IGLL5: variants seen among roughly 807,000 people sequenced by gnomAD.
IGLL5 encodes immunoglobulin lambda like polypeptide 5, also known as immunoglobulin lambda-like polypeptide 5.
Under a neutral mutation model 20.9 loss-of-function variants are expected in IGLL5, and 30 were observed. The observed-to-expected ratio is 1.44, with a 90% CI of 1.07 to 1.95. The LOEUF is 1.95. Among genes scored for constraint, IGLL5 ranks in the 30% most tolerant of loss-of-function variants. IGLL5 has a pLI of 0.00. For missense variants in IGLL5, 475 were observed against 270.7 expected (o/e 1.75, Z -5.30); for synonymous variants, 203 against 117.3 (o/e 1.73, Z -4.72).
intron 1 of IGLL5, among the ~76,000 whole-genome samples, chr22:22,888,467 T>G (rs530567279): frequency 1.3e-5 from 2 of 151,434 alleles, no homozygotes; most frequent in Admixed American, 6.6e-5. Context: ...CGATATTATT[T>G]TTCTTGATTT....
chr22:22,888,427 G>A (rs1601600631), intron 1 of IGLL5, among the ~76,000 whole-genome samples, 168 bp downstream of exon 1: 2 of 151,402 alleles, frequency 1.3e-5, no homozygotes, highest in African/African-American at 4.8e-5. Flanking sequence ...TCACAGATTT[G>A]TTTGAATTAC....
intron 1 of IGLL5, among the ~76,000 whole-genome samples, chr22:22,889,701 C>G (rs1452197346): frequency 6.6e-6 from 1 of 151,282 alleles, no homozygotes; most frequent in Admixed American, 6.6e-5. Context: ...GATCCTCCAG[C>G]CTCAGCCTCC....
chr22:22,888,547 G>C (rs529995910), intron 1 of IGLL5, among the ~76,000 whole-genome samples: 5 of 151,294 alleles, frequency 3.3e-5, no homozygotes, highest in Middle Eastern at 3.7e-3. Flanking sequence ...TAGTCCTCTG[G>C]GTAGGGAAGG....
chr22:22,894,701 A>G lies in IGLL5; in HGVS notation c.326-674A>G, dbSNP rs551314681. Among the ~76,000 whole-genome samples the G allele has an allele frequency of 4.6e-5, 7 of 151,314 alleles. 1 individual carries two copies. Among genetic ancestry groups the G allele is most frequent in the South Asian group, 2.1e-4 (1 of 4,756 alleles). On this transcript the variant is annotated intron_variant, in intron 2 of 2. Transcript: ENST00000526893. ...GGGCCTGGGGGCTGCTGAGTCTCAT[A>G]GTCTGTGGGAGCAGCCCCAGGAACA...
At chr22:22,888,491 C>A (rs1001448620) in intron 1 of IGLL5, among the ~76,000 whole-genome samples, 3 of 151,260 alleles carry the variant, frequency 2.0e-5, no homozygotes, top group Non-Finnish European at 4.4e-5. Flanking sequence ...AGTTTTCTGG[C>A]GCCACTTAAA....
At chr22:22,890,131 G>A (rs559495471) in intron 1 of IGLL5, among the ~76,000 whole-genome samples, 1 of 147,468 alleles carries the variant, frequency 6.8e-6, no homozygotes, top group African/African-American at 2.5e-5. Context: ...ATTACAAAAT[G>A]TAATGACTTT....
In IGLL5 at chr22:22,888,149, C is replaced by A; in HGVS notation, c.96C>A (p.Ala32=). The A allele has an allele frequency of 6.5e-7, 1 of 1,549,384 alleles. No individual in the cohort carries two copies. The highest frequency in any genetic ancestry group is 8.7e-7 in the Non-Finnish European group (1 of 1,146,728). The change falls in exon 1 of 3, where the codon GCC becomes GCA. Residue 32 remains alanine, a synonymous_variant. Coordinates refer to ENST00000526893, the MANE Select transcript of IGLL5 (RefSeq NM_001178126.2). Reference sequence around the variant, plus strand: ...GGCCCCTGCTGCTGCTGGGTCTGGCCATGGTCGCCCATGGCCTGCTGCGCC... The same window carrying A: ...GGCCCCTGCTGCTGCTGGGTCTGGCAATGGTCGCCCATGGCCTGCTGCGCC... ...QRWPLLLLGL[A]MVAHGLLRPM... is the part of the protein sequence containing the mutation.
chr22:22,894,034 G>A (rs1017228327), intron 2 of IGLL5, among the ~76,000 whole-genome samples: 7 of 151,492 alleles, frequency 4.6e-5, no homozygotes, highest in African/African-American at 1.2e-4. Flanking sequence ...TGGTCCCGGG[G>A]CCTGAGCTGG....
At chr22:22,889,537 A>T (rs530133620) in intron 1 of IGLL5, among the ~76,000 whole-genome samples, 2 of 151,204 alleles carry the variant, frequency 1.3e-5, no homozygotes, top group Admixed American at 6.6e-5. Context: ...ACTGGAAAAA[A>T]TCCAAATATC....
intron 1 of IGLL5, among the ~76,000 whole-genome samples, 163 bp downstream of exon 1, chr22:22,888,422 G>A (rs542424449): frequency 7.3e-5 from 11 of 151,462 alleles, no homozygotes; most frequent in East Asian, 6.0e-4. Context: ...GTCCATCACA[G>A]ATTTGTTTGA....
chr22:22,892,010 A>G (rs1273614586), intron 1 of IGLL5, among the ~76,000 whole-genome samples: 1 of 150,900 alleles, frequency 6.6e-6, no homozygotes, highest in Non-Finnish European at 1.5e-5. Flanking sequence ...TCCCCCTTTT[A>G]TGTCATTTCA....
intron 1 of IGLL5, among the ~76,000 whole-genome samples, chr22:22,889,795 C>A (rs1162887130): frequency 1.3e-5 from 2 of 151,246 alleles, no homozygotes; most frequent in Admixed American, 6.6e-5. Flanking sequence ...CAGAGCCTCG[C>A]TATATTGCTC....
At chr22:22,894,020 A>C (rs556962860) in intron 2 of IGLL5, among the ~76,000 whole-genome samples, 1 of 151,406 alleles carries the variant, frequency 6.6e-6, no homozygotes, top group East Asian at 2.0e-4. Flanking sequence ...AGCCGGATGC[A>C]GCCTGGTCCC....
At position 22,895,754 on chromosome 22, in the gene IGLL5, C is replaced by T. The variant is rs9848; in HGVS notation, c.*60C>T. 6.7e-7 allele frequency: 1 copy of T among 1,491,514 alleles called. No homozygotes were observed. Among genetic ancestry groups the T allele is most frequent in the Non-Finnish European group, 9.4e-7 (1 of 1,069,270 alleles). The allele number at this position is 1,491,514 out of a possible 1,614,324, so 92.4% of individuals were successfully genotyped here. A position where few individuals can be genotyped will look rare whatever the true frequency, so the allele number is the denominator to read the frequency against. Reference sequence around the variant, plus strand: ...AGCTGCAGGATCCCAGGGGAGGGGTCTCTCTCCCCATCCCAAGTCATCCAG... The same window carrying T: ...AGCTGCAGGATCCCAGGGGAGGGGTTTCTCTCCCCATCCCAAGTCATCCAG... On this transcript the variant is annotated 3_prime_UTR_variant, in exon 3 of 3. Transcript: ENST00000526893.
intron 1 of IGLL5, among the ~76,000 whole-genome samples, chr22:22,889,799 A>T (rs990576642): frequency 6.6e-6 from 1 of 151,226 alleles, no homozygotes; most frequent in African/African-American, 2.4e-5. Flanking sequence ...GCCTCGCTAT[A>T]TTGCTCAGGC....
In IGLL5 at chr22:22,895,794, C is replaced by G; in HGVS notation, c.*100C>G. The G allele has an allele frequency of 9.5e-7, 1 of 1,050,850 alleles. No individual in the cohort carries two copies. 65.1% of individuals were successfully genotyped at this position (1,050,850 alleles called of 1,614,324 possible). On this transcript the variant is annotated 3_prime_UTR_variant, in exon 3 of 3. Transcript: ENST00000526893. ...AAGTCATCCAGCCCTTCTCCCTGCACTCATGAAACCCCAATAAATATCCTC... is the reference window on the plus strand; with the variant it reads ...AAGTCATCCAGCCCTTCTCCCTGCAGTCATGAAACCCCAATAAATATCCTC...
intron 1 of IGLL5, among the ~76,000 whole-genome samples, chr22:22,888,485 T>C (rs536381711): frequency 7.9e-5 from 12 of 151,416 alleles, no homozygotes; most frequent in Middle Eastern, 3.7e-3. Flanking sequence ...TTTCTGAGTT[T>C]TCTGGCGCCA....
At chr22:22,889,442 A>G (rs2067719582) in intron 1 of IGLL5, among the ~76,000 whole-genome samples, 1 of 151,292 alleles carries the variant, frequency 6.6e-6, no homozygotes, top group Non-Finnish European at 1.5e-5. Flanking sequence ...ATTTATCCTA[A>G]GGGTTGGTTG....
In IGLL5 at chr22:22,895,558, G is replaced by T. The variant is rs760062688; in HGVS notation, c.509G>T (p.Ser170Ile). The T allele has an allele frequency of 6.2e-7, 1 of 1,612,986 alleles. No individual in the cohort carries two copies. The highest frequency in any genetic ancestry group is 1.7e-5 in the Admixed American group (1 of 59,884). ...GVETTKPSKQ[S>I]NNKYAASSYL... ...GAGACCACCAAACCCTCCAAACAGA[G>T]CAACAACAAGTACGCGGCCAGCAGC... The change falls in exon 3 of 3, where the codon AGC becomes ATC. Residue 170 changes from serine (S) to isoleucine (I), a missense_variant. Transcript: ENST00000526893.
Sources: gnomAD v4.1 joint callset for allele counts (sites outside exome capture counted in the v4.1 genomes callset) on GRCh38, gnomAD v4.1.1 for gene constraint, MANE v1.5 for transcripts, NCBI Gene and HGNC (gene_info 2026-07-23, HGNC 2026-07-21) for gene names.